The following RNF150 variants were observed in gnomAD, a reference collection of about 807,000 sequenced individuals.
RNF150 encodes the protein ring finger protein 150.
In RNF150, 24 loss-of-function variants were observed where a neutral mutation model predicts 39.3. The ratio of observed to expected loss-of-function variants is 0.61; its 90% confidence interval spans 0.44 to 0.86. The LOEUF (loss-of-function observed/expected upper bound fraction) is 0.86, where lower values mean the gene tolerates loss of function less well. Among genes scored for constraint, RNF150 ranks in the 40% least tolerant of loss-of-function variants. The probability of loss-of-function intolerance (pLI) is 0.00; values close to 1 mark genes in which losing one functional copy is unlikely to be tolerated. For missense variants in RNF150, 502 were observed against 587.8 expected (o/e 0.85, Z 1.51); for synonymous variants, 255 against 227.3 (o/e 1.12, Z -1.10).
intron 1 of RNF150, among the ~76,000 whole-genome samples, chr4:141,011,062 C>G (rs942182737): frequency 6.7e-6 from 1 of 150,316 alleles, no homozygotes; most frequent in African/African-American, 2.5e-5. Context: ...ATTGGCATTC[C>G]TATTTAATGA....
chr4:141,140,270 T>G lies in RNF150; in HGVS notation c.-6+72524A>C, dbSNP rs144003302. Among the ~76,000 whole-genome samples, 468 of 152,364 alleles carry G rather than the reference T, an allele frequency of 3.1e-3. 1 individual carries two copies. The highest frequency in any genetic ancestry group is 1.0e-2 in the African/African-American group (415 of 41,590). On this transcript the variant is annotated intron_variant, in intron 1 of 7. Coordinates refer to the RNF150 transcript ENST00000420921. ...TAGGATACCTTGCTAAAAATATCCT[T>G]TTTTCTTTTTTGCTCCTTTGAATTA... is the stretch of plus-strand genomic sequence containing the variant.
At chr4:141,182,003 T>C (rs1221411815) in intron 1 of RNF150, among the ~76,000 whole-genome samples, 2 of 152,170 alleles carry the variant, frequency 1.3e-5, no homozygotes, top group Non-Finnish European at 2.9e-5. Context: ...CTTTCCTGTA[T>C]TGATTTTCCC....
At chr4:140,893,048 T>C (rs947764888) in intron 6 of RNF150, among the ~76,000 whole-genome samples, 7 of 151,934 alleles carry the variant, frequency 4.6e-5, no homozygotes, top group South Asian at 4.2e-4. Context: ...GCCTGGGAGA[T>C]GGAGTGAGAT....
chr4:140,959,841 G>C (rs1732943816), intron 2 of RNF150, among the ~76,000 whole-genome samples: 1 of 152,068 alleles, frequency 6.6e-6, no homozygotes. Context: ...TGATATGATT[G>C]CGGGAGAGAG....
chr4:141,039,294 G>C (rs755943404), intron 1 of RNF150, among the ~76,000 whole-genome samples: 16 of 151,866 alleles, frequency 1.1e-4, no homozygotes, highest in South Asian at 4.2e-4. Flanking sequence ...GAAAGTTAGT[G>C]GACAATTTTC....
At chr4:141,055,041 C>T (rs1220072746) in intron 1 of RNF150, among the ~76,000 whole-genome samples, 2 of 152,004 alleles carry the variant, frequency 1.3e-5, no homozygotes, top group Non-Finnish European at 2.9e-5. Flanking sequence ...ACAACTTTGG[C>T]TATAGTTTTT....
At chr4:141,066,541 A>G (rs1299312165) in intron 1 of RNF150, among the ~76,000 whole-genome samples, 2 of 152,228 alleles carry the variant, frequency 1.3e-5, no homozygotes, top group African/African-American at 2.4e-5. Flanking sequence ...TGAGTTATGT[A>G]TATCAATAAT....
chr4:141,163,117 G>C (rs1369410703), intron 1 of RNF150, among the ~76,000 whole-genome samples: 1 of 152,202 alleles, frequency 6.6e-6, no homozygotes, highest in Non-Finnish European at 1.5e-5. Context: ...CTTGGTTGGG[G>C]CAGAGGTACC....
At chr4:141,035,017 G>T (rs1736088324) in intron 1 of RNF150, among the ~76,000 whole-genome samples, 1 of 152,178 alleles carries the variant, frequency 6.6e-6, no homozygotes, top group Non-Finnish European at 1.5e-5. Context: ...CTTTCAATTT[G>T]TAAAAAATGC....
chr4:141,103,467 T>C (rs764519216), intron 1 of RNF150, among the ~76,000 whole-genome samples: 7 of 152,100 alleles, frequency 4.6e-5, no homozygotes. Context: ...TTGGATAACA[T>C]GGGGGGAGTT....
chr4:141,099,224 A>C (rs1235445738), intron 1 of RNF150, among the ~76,000 whole-genome samples: 1 of 152,190 alleles, frequency 6.6e-6, no homozygotes, highest in African/African-American at 2.4e-5. Context: ...CTCTAAAAGA[A>C]GGAAATGCCT....
At chr4:141,069,680 C>T (rs1300411320) in intron 1 of RNF150, among the ~76,000 whole-genome samples, 4 of 150,698 alleles carry the variant, frequency 2.7e-5, no homozygotes, top group African/African-American at 9.8e-5. Flanking sequence ...GCTGTGAATC[C>T]ATCTGGTCCT....
chr4:140,972,652 C>T (rs1013896388), intron 1 of RNF150, among the ~76,000 whole-genome samples: 5 of 151,996 alleles, frequency 3.3e-5, no homozygotes, highest in African/African-American at 7.2e-5. Flanking sequence ...AGATGATACT[C>T]GCCACTCCAG....
chr4:140,967,793 C>T lies in RNF150; in HGVS notation c.565G>A (p.Val189Met), dbSNP rs371206805. The change falls in exon 2 of 7, where the codon GTG becomes ATG. Residue 189 changes from valine to methionine, a missense_variant. Transcript: ENST00000515673. ...GTTCCGATGGTGATGTACATTGTCACGGTGATGTTTCTTTCCAGCAGGCTT... is the reference window on the plus strand; with the variant it reads ...GTTCCGATGGTGATGTACATTGTCATGGTGATGTTTCTTTCCAGCAGGCTT... ...IVSLLERNIT[V>M]TMYITIGTRN... 2.9e-5 allele frequency: 46 copies of T among 1,613,362 alleles called. No individual in the cohort carries two copies. In the African/African-American group the frequency reaches 3.6e-4, roughly 13 times the overall value.
chr4:141,173,908 G>T (rs1014884777), intron 1 of RNF150, among the ~76,000 whole-genome samples: 3 of 152,274 alleles, frequency 2.0e-5, no homozygotes, highest in Admixed American at 6.5e-5. Context: ...AGCAACTGTT[G>T]TTATCAATTT....
intron 1 of RNF150, among the ~76,000 whole-genome samples, chr4:141,014,715 T>C (rs1432134129): frequency 6.6e-6 from 1 of 152,228 alleles, no homozygotes; most frequent in Non-Finnish European, 1.5e-5. Flanking sequence ...TTGTTTGAAT[T>C]CCTTATATCT....
chr4:140,870,857 T>A (rs1578915801), intron 6 of RNF150, among the ~76,000 whole-genome samples: 1 of 149,956 alleles, frequency 6.7e-6, no homozygotes, highest in Admixed American at 6.6e-5. Context: ...GCTCTGTCTT[T>A]AAAAAAAAAA....
intron 1 of RNF150, among the ~76,000 whole-genome samples, chr4:141,170,042 CAT>C (rs1180002307): frequency 2.0e-5 from 3 of 152,084 alleles, no homozygotes; most frequent in Non-Finnish European, 2.9e-5. Context: ...CTAAACTAAA[CAT>C]GAGTCTAGAT....
intron 1 of RNF150, among the ~76,000 whole-genome samples, chr4:140,976,944 C>G (rs140319467): frequency 2.0e-5 from 3 of 152,042 alleles, no homozygotes. Context: ...ACTCACTCCC[C>G]CTTTGTCCAA....
Sources: gnomAD v4.1 joint callset for allele counts (sites outside exome capture counted in the v4.1 genomes callset) on GRCh38, gnomAD v4.1.1 for gene constraint, MANE v1.5 for transcripts, NCBI Gene and HGNC (gene_info 2026-07-23, HGNC 2026-07-21) for gene names.